Variants in RAB2A observed in about 807,000 individuals in gnomAD.
RAB2A encodes RAB2A, member RAS oncogene family.
In RAB2A, 7 loss-of-function variants were observed where a neutral mutation model predicts 32.5. The observed-to-expected ratio is 0.22, with a 90% CI of 0.12 to 0.40. The LOEUF (loss-of-function observed/expected upper bound fraction) is 0.40. RAB2A is among the 10% of genes least tolerant of loss of function. The pLI, the probability that RAB2A is intolerant of heterozygous loss-of-function variation, is 1.00. For synonymous variants in RAB2A, 79 were observed against 85.2 expected (o/e 0.93, Z 0.40); for missense variants, 108 against 260.7 (o/e 0.41, Z 4.03).
chr8:60,571,863 A>G (rs1015100496), intron 2 of RAB2A, among the ~76,000 whole-genome samples, 183 bp from the exon 3 acceptor site: 1 of 152,050 alleles, frequency 6.6e-6, no homozygotes, highest in African/African-American at 2.4e-5. Context: ...TCCTTAGCTT[A>G]TGTCTTATTA....
chr8:60,555,742 A>G (rs564148529), intron 1 of RAB2A, among the ~76,000 whole-genome samples: 16 of 152,226 alleles, frequency 1.1e-4, no homozygotes, highest in Admixed American at 1.0e-3. Flanking sequence ...GAGAATTCTT[A>G]TACACTGTTG....
chr8:60,594,880 A>G (rs1803999045), intron 6 of RAB2A, among the ~76,000 whole-genome samples: 4 of 152,230 alleles, frequency 2.6e-5, no homozygotes, highest in Admixed American at 1.3e-4. Flanking sequence ...CCAGTCTACC[A>G]TTGATGGACA....
chr8:60,565,010 A>G (rs1021206122), intron 2 of RAB2A, among the ~76,000 whole-genome samples: 1 of 152,182 alleles, frequency 6.6e-6, no homozygotes, highest in South Asian at 2.1e-4. Flanking sequence ...ACTAATTCCC[A>G]CTACATTTAT....
chr8:60,572,031 T>C lies in RAB2A; in HGVS notation c.119-15T>C. 6.3e-7 allele frequency: 1 copy of C among 1,581,102 alleles called. No individual in the cohort carries two copies. The highest frequency in any genetic ancestry group is 1.1e-5 in the South Asian group (1 of 89,300). ...CCCACTAATTTTGTAACAAATCATTTCCTACTCTATTTAGGTGTAGAGTTC... is the reference window on the plus strand; with the variant it reads ...CCCACTAATTTTGTAACAAATCATTCCCTACTCTATTTAGGTGTAGAGTTC... On this transcript the variant is annotated splice_polypyrimidine_tract_variant and intron_variant, in intron 2 of 7. Coordinates refer to ENST00000262646, the MANE Select transcript of RAB2A (RefSeq NM_002865.3).
intron 1 of RAB2A, chr8:60,558,489 T>C: frequency 2.0e-6 from 1 of 508,380 alleles, no homozygotes; most frequent in Non-Finnish European, 3.9e-6. Context: ...AAATGAACTA[T>C]TAACTATGCT....
chr8:60,602,018 A>G (rs1452415011), intron 6 of RAB2A, among the ~76,000 whole-genome samples: 3 of 151,246 alleles, frequency 2.0e-5, no homozygotes, highest in Non-Finnish European at 4.4e-5. Flanking sequence ...AGCTGGAATG[A>G]CAGGTGTGTG....
At chr8:60,521,976 A>T (rs982215508) in intron 1 of RAB2A, among the ~76,000 whole-genome samples, 3 of 152,228 alleles carry the variant, frequency 2.0e-5, no homozygotes, top group Non-Finnish European at 4.4e-5. Flanking sequence ...ATGCAAAACC[A>T]TTGACAAATG....
chr8:60,539,377 C>T (rs924721873), intron 1 of RAB2A, among the ~76,000 whole-genome samples: 4 of 152,150 alleles, frequency 2.6e-5, no homozygotes, highest in African/African-American at 4.8e-5. Context: ...TCTTTTATTA[C>T]ATATTATCTC....
chr8:60,574,256 C>T (rs1038696595), intron 3 of RAB2A, among the ~76,000 whole-genome samples: 24 of 152,204 alleles, frequency 1.6e-4, no homozygotes, highest in African/African-American at 5.5e-4. Flanking sequence ...AGTTCTGATC[C>T]CACTGTCATA....
chr8:60,519,061 A>G (rs998841781), intron 1 of RAB2A, among the ~76,000 whole-genome samples: 8 of 152,324 alleles, frequency 5.3e-5, no homozygotes, highest in Non-Finnish European at 1.2e-4. Context: ...CTCTTATCCA[A>G]AAGCAGTCCC....
At chr8:60,532,628 A>T (rs981840458) in intron 1 of RAB2A, among the ~76,000 whole-genome samples, 8 of 152,036 alleles carry the variant, frequency 5.3e-5, no homozygotes, top group African/African-American at 1.9e-4. Flanking sequence ...CTCCCACCTC[A>T]GCCTCCTGAG....
chr8:60,550,363 T>G (rs906565468), intron 1 of RAB2A, among the ~76,000 whole-genome samples: 2 of 151,476 alleles, frequency 1.3e-5, no homozygotes, highest in African/African-American at 4.8e-5. Context: ...TTGAGAAAGC[T>G]CCTTACTGGT....
chr8:60,572,133 A>G lies in RAB2A; in HGVS notation c.186+20A>G. ...GATACGGTAAGTATAGGAAAAGTGC[A>G]CTGTATGATCTCAGTAAAGTTACTT... On this transcript the variant is annotated intron_variant, in intron 3 of 7. Coordinates refer to ENST00000262646, the MANE Select transcript of RAB2A (RefSeq NM_002865.3). 6.5e-7 allele frequency: 1 copy of G among 1,540,608 alleles called. No individual in the cohort carries two copies. The highest frequency in any genetic ancestry group is 9.0e-7 in the Non-Finnish European group (1 of 1,116,812).
rs57564066 is a variant in RAB2A at position 60,551,080 on chromosome 8, A to G, written c.47-7772A>G. On this transcript the variant is annotated intron_variant, in intron 1 of 7. Coordinates refer to ENST00000262646, the MANE Select transcript of RAB2A (RefSeq NM_002865.3). ...AATCTCACCTTCTCCATGAGGGACT[A>G]CCTGGTTAAATAACACATCTTCCTC... Among the ~76,000 whole-genome samples, 608 of 152,222 alleles carry G rather than the reference A, an allele frequency of 4.0e-3. 7 individuals carry two copies. Among genetic ancestry groups the G allele is most frequent in the African/African-American group, 0.014 (587 of 41,520 alleles).
intron 1 of RAB2A, among the ~76,000 whole-genome samples, chr8:60,522,042 T>C (rs1049224900): frequency 6.6e-6 from 1 of 152,222 alleles, no homozygotes; most frequent in Admixed American, 6.5e-5. Context: ...GTTCATTGAA[T>C]GAATTGACAG....
At chr8:60,543,743 T>A (rs1807682731) in intron 1 of RAB2A, among the ~76,000 whole-genome samples, 1 of 152,050 alleles carries the variant, frequency 6.6e-6, no homozygotes. Flanking sequence ...TGAAAACAAT[T>A]CCGAAATCGT....
At chr8:60,540,152 T>A (rs1280088342) in intron 1 of RAB2A, among the ~76,000 whole-genome samples, 3 of 149,976 alleles carry the variant, frequency 2.0e-5, no homozygotes, top group Admixed American at 6.7e-5. Flanking sequence ...ACATACTAGA[T>A]GTTAAATGTA....
At position 60,549,466 on chromosome 8, in the gene RAB2A, C is replaced by T. The variant is rs1267847794; in HGVS notation, c.47-9386C>T. 4.0e-5 allele frequency among the ~76,000 whole-genome samples: 6 copies of T among 150,484 alleles called. No homozygotes were observed. In the East Asian group the frequency reaches 7.9e-4, roughly 20 times the overall value. ...CAGCCCGGCCAACACAGCGAAACCC[C>T]GTCTCCACCAACCTTTTTTTTTTTT... On this transcript the variant is annotated intron_variant, in intron 1 of 7. Transcript: ENST00000262646.
At chr8:60,531,931 T>TC (rs1197391198) in intron 1 of RAB2A, among the ~76,000 whole-genome samples, 1 of 151,760 alleles carries the variant, frequency 6.6e-6, no homozygotes, top group Non-Finnish European at 1.5e-5. Context: ...CCCTCCCGAG[T>TC]AGCTGGGATT....
Sources: allele counts gnomAD v4.1 joint callset (sites outside exome capture counted in the v4.1 genomes callset), GRCh38; gene constraint gnomAD v4.1.1; transcripts MANE v1.5; gene names NCBI Gene and HGNC (gene_info 2026-07-23, HGNC 2026-07-21).